LDLRAD4: variants seen among roughly 807,000 people sequenced by gnomAD.
LDLRAD4 encodes the protein low-density lipoprotein receptor class A domain-containing protein 4.
A neutral mutation model predicts 17.0 loss-of-function variants in LDLRAD4; 5 were observed. The ratio of observed to expected loss-of-function variants is 0.29; its 90% CI spans 0.15 to 0.62. The LOEUF (loss-of-function observed/expected upper bound fraction) is 0.62. Among genes scored for constraint, LDLRAD4 ranks in the 20% least tolerant of loss-of-function variants. LDLRAD4 has a pLI of 0.84. For missense variants in LDLRAD4, 340 were observed against 424.7 expected, an observed-to-expected ratio of 0.80 and a Z score of 1.75; for synonymous variants, 168 against 171.8, an observed-to-expected ratio of 0.98 and a Z score of 0.17.
intron 2 of LDLRAD4, among the ~76,000 whole-genome samples, chr18:13,391,483 C>T (rs772696437): frequency 4.6e-5 from 7 of 152,022 alleles, no homozygotes; most frequent in African/African-American, 1.4e-4. Context: ...CACATAGATG[C>T]GTATTTAACT....
intron 3 of LDLRAD4, among the ~76,000 whole-genome samples, chr18:13,617,014 G>A (rs979752934): frequency 9.2e-5 from 14 of 152,206 alleles, no homozygotes; most frequent in Admixed American, 7.2e-4. Flanking sequence ...ACAGCATGGT[G>A]CAGGTGTCCC....
rs1329885335 is a variant in LDLRAD4 at position 13,645,514 on chromosome 18, G to A, written c.778G>A (p.Gly260Ser). The change falls in exon 6 of 6, where the codon GGC becomes AGC. Residue 260 changes from glycine (G) to serine (S), a missense_variant. By Grantham distance (56) the Gly-to-Ser change is moderately conservative. Transcript: ENST00000359446. This position sits in a 1 kb window ranked among gnomAD's most constrained non-coding sequence, Gnocchi z 5.7. Reference sequence around the variant, plus strand: ...ACCCCCCACATACAGCGAGGTGATGGGCCACCACCCAGGCGCCTCTTTCCT... The same window carrying A: ...ACCCCCCACATACAGCGAGGTGATGAGCCACCACCCAGGCGCCTCTTTCCT... The A allele has an allele frequency of 6.2e-7, 1 of 1,610,892 alleles. No homozygotes were observed. The highest frequency in any genetic ancestry group is 2.2e-5 in the East Asian group (1 of 44,876).
intron 1 of LDLRAD4, among the ~76,000 whole-genome samples, chr18:13,344,635 TGATGGG>T (rs1208971872): frequency 6.6e-6 from 1 of 152,234 alleles, no homozygotes; most frequent in African/African-American, 2.4e-5. Context: ...ATTGGTAGCT[TGATGGG>T]GATGGCATTG....
intron 1 of LDLRAD4, among the ~76,000 whole-genome samples, chr18:13,384,845 C>T (rs560322634): frequency 5.2e-4 from 79 of 152,298 alleles, no homozygotes; most frequent in Middle Eastern, 3.4e-3. Context: ...TATAGTACTC[C>T]ATTGTGTATG....
chr18:13,625,840 C>A (rs1193184089), intron 4 of LDLRAD4, among the ~76,000 whole-genome samples: 2 of 137,778 alleles, frequency 1.5e-5, no homozygotes, highest in Admixed American at 1.4e-4. Context: ...CTCCTCCCCC[C>A]ACCAGAGCCC....
chr18:13,621,380 G>A lies in LDLRAD4; in HGVS notation c.336+109G>A, dbSNP rs921919525. 3.7e-5 allele frequency: 29 copies of A among 792,764 alleles called. No individual in the cohort carries two copies. The Middle Eastern group carries it at 1.4e-3, about 37-fold the overall frequency. 49.1% of individuals were successfully genotyped at this position (792,764 alleles called of 1,614,324 possible). ...CTTTCAGTTGACATGTAACAAACGG[G>A]GCGAAGCGCACCTCGTAAGTGTTCC... On this transcript the variant is annotated intron_variant, in intron 4 of 5. Transcript: ENST00000359446. This position sits in a 1 kb window ranked among gnomAD's most constrained non-coding sequence, Gnocchi z 5.5.
chr18:13,407,860 C>T (rs923279282), intron 2 of LDLRAD4, among the ~76,000 whole-genome samples: 1 of 152,134 alleles, frequency 6.6e-6, no homozygotes, highest in African/African-American at 2.4e-5. Flanking sequence ...GACCTAGGTC[C>T]CTTTGTATTA....
At position 13,458,659 on chromosome 18, in the gene LDLRAD4, G is replaced by A. The variant is rs115721186; in HGVS notation, c.181+20275G>A. ...CCTTACTAGCAAAAGGGACTTTACA[G>A]ATATGACTAAGGCTAAGGACCTTGA... On this transcript the variant is annotated intron_variant, in intron 3 of 5. Coordinates refer to ENST00000359446, the Ensembl canonical transcript of LDLRAD4. 8.5e-3 allele frequency among the ~76,000 whole-genome samples: 1,300 copies of A among 152,328 alleles called. 23 individuals carry two copies. The highest frequency in any genetic ancestry group is 0.03 in the African/African-American group (1,250 of 41,568).
chr18:13,612,736 T>G (rs376266133), intron 3 of LDLRAD4: 101 of 1,613,810 alleles, frequency 6.3e-5, no homozygotes, highest in Non-Finnish European at 8.2e-5. Context: ...AACAGCACAC[T>G]GAAGGAGGCT....
At chr18:13,562,094 G>C (rs909659812) in intron 3 of LDLRAD4, among the ~76,000 whole-genome samples, 1 of 152,198 alleles carries the variant, frequency 6.6e-6, no homozygotes, top group Non-Finnish European at 1.5e-5. Flanking sequence ...GGCCCAAATC[G>C]TGGTCCTGAC....
At chr18:13,250,799 T>C in intron 1 of LDLRAD4, among the ~76,000 whole-genome samples, 1 of 152,220 alleles carries the variant, frequency 6.6e-6, no homozygotes, top group East Asian at 1.9e-4. Context: ...CTACCAAACC[T>C]TTAAAGAAGA....
intron 3 of LDLRAD4, among the ~76,000 whole-genome samples, chr18:13,578,422 C>T (rs556255969): frequency 6.0e-4 from 92 of 152,362 alleles, no homozygotes; most frequent in South Asian, 5.4e-3. Flanking sequence ...CCACTTCCAC[C>T]TGTGCCCTCC....
intron 4 of LDLRAD4, among the ~76,000 whole-genome samples, chr18:13,634,519 A>G (rs1466348725): frequency 6.6e-6 from 1 of 152,224 alleles, no homozygotes; most frequent in Non-Finnish European, 1.5e-5. Context: ...AGGAGGTGAA[A>G]GACTTGTGCA....
chr18:13,249,801 TCTTA>T (rs1291527518), intron 1 of LDLRAD4, among the ~76,000 whole-genome samples: 2 of 152,134 alleles, frequency 1.3e-5, no homozygotes, highest in Non-Finnish European at 2.9e-5. Context: ...GCTTTTGGAG[TCTTA>T]CTTATAAATT....
chr18:13,569,676 G>A (rs1192988159), intron 3 of LDLRAD4, among the ~76,000 whole-genome samples: 1 of 152,180 alleles, frequency 6.6e-6, no homozygotes, highest in African/African-American at 2.4e-5. Context: ...TTGAGGTCAG[G>A]AGTTCGAGAC....
chr18:13,236,734 G>T (rs184818522), intron 1 of LDLRAD4, among the ~76,000 whole-genome samples: 1 of 152,288 alleles, frequency 6.6e-6, no homozygotes, highest in East Asian at 1.9e-4. Context: ...CTGTTGGAGT[G>T]GGGGTGTCTC....
chr18:13,341,551 C>T (rs896194982), intron 1 of LDLRAD4, among the ~76,000 whole-genome samples: 2 of 152,032 alleles, frequency 1.3e-5, no homozygotes, highest in South Asian at 2.1e-4. Context: ...TATGATAATG[C>T]AGCTGATACT....
At chr18:13,542,937 T>C (rs1055462738) in intron 3 of LDLRAD4, 2 of 151,558 alleles carry the variant, frequency 1.3e-5, no homozygotes, top group African/African-American at 4.8e-5. Context: ...TTTCCAGCTG[T>C]TGCCTAGTTT....
chr18:13,224,833 T>C (rs1444227053), intron 1 of LDLRAD4, among the ~76,000 whole-genome samples: 16 of 150,464 alleles, frequency 1.1e-4, no homozygotes, highest in South Asian at 2.1e-4. Flanking sequence ...AGTCTCTCTT[T>C]TTTTTTTTTT....
Sources: allele counts gnomAD v4.1 joint callset (sites outside exome capture counted in the v4.1 genomes callset), GRCh38; gene constraint gnomAD v4.1.1; non-coding constraint Gnocchi (gnomAD v3.1); transcripts MANE v1.5; gene names NCBI Gene and HGNC (gene_info 2026-07-23, HGNC 2026-07-21).